The following ABI3BP variants were observed in gnomAD, a reference collection of about 807,000 sequenced individuals.
ABI3BP encodes the protein target of Nesh-SH3.
In ABI3BP, 216 loss-of-function variants were observed where a neutral mutation model predicts 268.6. The observed-to-expected ratio is 0.80, with a 90% CI of 0.72 to 0.90. The LOEUF is 0.90. ABI3BP is among the 40% of genes least tolerant of loss of function. The probability of loss-of-function intolerance (pLI) is 0.00; values close to 1 mark genes in which losing one functional copy is unlikely to be tolerated. For synonymous variants in ABI3BP, 730 were observed against 730.0 expected (o/e 1.00, Z 0.00); for missense variants, 2,090 against 2,182.4 (o/e 0.96, Z 0.84).
chr3:100,774,588 C>T lies in ABI3BP; in HGVS notation c.4531+17G>A. ...ATGGCCTTTTCAAATGTGAGATTCA[C>T]AGCCAGTCATACATACCTTTGAATC... On this transcript the variant is annotated intron_variant, in intron 61 of 67. Coordinates refer to ENST00000471714, the MANE Select transcript of ABI3BP (RefSeq NM_001375547.2). 2.6e-6 allele frequency: 4 copies of T among 1,553,294 alleles called. No individual in the cohort carries two copies. The highest frequency in any genetic ancestry group is 3.5e-6 in the Non-Finnish European group (4 of 1,150,696).
intron 63 of ABI3BP, among the ~76,000 whole-genome samples, chr3:100,760,788 C>T (rs2095893334): frequency 6.6e-6 from 1 of 152,014 alleles, no homozygotes; most frequent in South Asian, 2.1e-4. Context: ...AGGAGAGGCT[C>T]TTAATATTTT....
chr3:100,893,834 C>A (rs1443194102), intron 4 of ABI3BP, among the ~76,000 whole-genome samples: 1 of 152,100 alleles, frequency 6.6e-6, no homozygotes, highest in Non-Finnish European at 1.5e-5. Context: ...GAGAGGGGAT[C>A]ACTGGAGAAG....
At chr3:100,882,750 G>A (rs1024510290) in intron 6 of ABI3BP, among the ~76,000 whole-genome samples, 1 of 152,058 alleles carries the variant, frequency 6.6e-6, no homozygotes, top group Non-Finnish European at 1.5e-5. Flanking sequence ...CAATCTTGCT[G>A]AGTAACTCAT....
At chr3:100,785,041 C>T (rs1171137768) in intron 57 of ABI3BP, among the ~76,000 whole-genome samples, 3 of 151,874 alleles carry the variant, frequency 2.0e-5, no homozygotes, top group Non-Finnish European at 4.4e-5. Context: ...CAACAAAACC[C>T]AAAAACCATT....
chr3:100,767,608 A>G (rs1349474503), intron 62 of ABI3BP, among the ~76,000 whole-genome samples: 2 of 152,070 alleles, frequency 1.3e-5, no homozygotes, highest in Non-Finnish European at 2.9e-5. Context: ...AAAAAAAAAA[A>G]AAAAGGAAAC....
At chr3:100,963,268 T>C (rs2079833275) in intron 1 of ABI3BP, among the ~76,000 whole-genome samples, 1 of 152,200 alleles carries the variant, frequency 6.6e-6, no homozygotes. Flanking sequence ...GGCAAAGTTA[T>C]GATTCACATT....
intron 31 of ABI3BP, among the ~76,000 whole-genome samples, chr3:100,831,608 GC>G (rs2098495496): frequency 6.6e-6 from 1 of 152,016 alleles, no homozygotes; most frequent in South Asian, 2.1e-4. Context: ...AGACATCCCA[GC>G]CCCCTTTAAT....
intron 33 of ABI3BP, 68 bp downstream of exon 33, chr3:100,829,513 A>C: frequency 1.4e-6 from 2 of 1,384,494 alleles, no homozygotes; most frequent in Non-Finnish European, 2.0e-6. Context: ...ATGCCCAGCT[A>C]CTTCATTCTC....
At chr3:100,856,080 CT>C (rs554077281) in intron 14 of ABI3BP, among the ~76,000 whole-genome samples, 448 of 152,330 alleles carry the variant, frequency 2.9e-3, no homozygotes, top group Non-Finnish European at 4.6e-3. Context: ...ACACCACAAC[CT>C]ACTCCTTCGT....
chr3:100,910,452 A>G (rs1583044003), intron 2 of ABI3BP, among the ~76,000 whole-genome samples: 1 of 152,124 alleles, frequency 6.6e-6, no homozygotes, highest in Non-Finnish European at 1.5e-5. Context: ...GAGAATTTTA[A>G]TGACTTCGAT....
intron 50 of ABI3BP, among the ~76,000 whole-genome samples, chr3:100,806,781 G>A: frequency 6.6e-6 from 1 of 152,050 alleles, no homozygotes; most frequent in Non-Finnish European, 1.5e-5. Flanking sequence ...CACTGAGGAT[G>A]TGAATCTATC....
intron 14 of ABI3BP, among the ~76,000 whole-genome samples, chr3:100,854,820 TAC>T (rs375090562): frequency 6.6e-6 from 1 of 151,488 alleles, no homozygotes; most frequent in African/African-American, 2.4e-5. Context: ...AGTAATGACT[TAC>T]AGTCATAACT....
chr3:100,863,891 C>A, intron 12 of ABI3BP, 111 bp downstream of exon 12: 1 of 803,020 alleles, frequency 1.2e-6, no homozygotes, highest in South Asian at 1.7e-5. Flanking sequence ...AAGACTGTGT[C>A]ACCTTTAAGG....
chr3:100,933,446 T>C (rs2064502851), intron 1 of ABI3BP, among the ~76,000 whole-genome samples: 1 of 151,930 alleles, frequency 6.6e-6, no homozygotes, highest in Admixed American at 6.6e-5. Context: ...TATTTCATTA[T>C]ACAAAATCAA....
At chr3:100,903,933 T>C (rs2051815792) in intron 2 of ABI3BP, among the ~76,000 whole-genome samples, 1 of 152,224 alleles carries the variant, frequency 6.6e-6, no homozygotes. Context: ...GGAGCATTCA[T>C]TCTGTTCCAG....
intron 6 of ABI3BP, among the ~76,000 whole-genome samples, chr3:100,880,278 C>T (rs1157182441): frequency 1.3e-5 from 2 of 152,150 alleles, no homozygotes; most frequent in Non-Finnish European, 2.9e-5. Context: ...TCAGACACCA[C>T]TCTGGCAGCG....
At chr3:100,809,819 T>C (rs995096188) in intron 49 of ABI3BP, among the ~76,000 whole-genome samples, 2 of 152,172 alleles carry the variant, frequency 1.3e-5, no homozygotes, top group African/African-American at 4.8e-5. Context: ...TGATTATTTT[T>C]CAATCATTTC....
intron 57 of ABI3BP, among the ~76,000 whole-genome samples, chr3:100,781,970 C>G (rs1227237162): frequency 6.6e-6 from 1 of 152,190 alleles, no homozygotes; most frequent in Non-Finnish European, 1.5e-5. Context: ...GGATCCAAAG[C>G]CTATCTCTTC....
intron 1 of ABI3BP, among the ~76,000 whole-genome samples, chr3:100,940,251 T>C (rs2873447): frequency 0.04 from 6,097 of 152,082 alleles, 280 homozygotes; most frequent in East Asian, 0.26. Flanking sequence ...AGGGTACTGA[T>C]TGGGGAAGTG....
Sources: gnomAD v4.1 joint callset for allele counts (sites outside exome capture counted in the v4.1 genomes callset) on GRCh38, gnomAD v4.1.1 for gene constraint, MANE v1.5 for transcripts, NCBI Gene and HGNC (gene_info 2026-07-23, HGNC 2026-07-21) for gene names.